TIE1: variants seen among roughly 807,000 people sequenced by gnomAD.
The protein encoded by TIE1 is tyrosine-protein kinase receptor Tie-1.
TIE1 carries 89 observed loss-of-function variants against 130.5 expected under a neutral mutation model. The ratio of observed to expected loss-of-function variants is 0.68; its 90% confidence interval spans 0.57 to 0.81. The LOEUF is 0.81. TIE1 is among the 40% of genes least tolerant of loss of function. The probability of loss-of-function intolerance (pLI) is 0.00; values close to 1 mark genes in which losing one functional copy is unlikely to be tolerated. For synonymous variants in TIE1, 568 were observed against 629.4 expected (o/e 0.90, Z 1.46); for missense variants, 1,392 against 1,559.8 (o/e 0.89, Z 1.81).
chr1:43,313,144 C>A lies in TIE1; in HGVS notation c.1937C>A (p.Ala646Asp). ...HVLLPPSGPP[A>D]PRHLHAQALS... ...CCCACCATCTCCCCAGGGCCTCCAGCCCCCCGACACCTCCACGCCCAGGCC... is the reference window on the plus strand; with the variant it reads ...CCCACCATCTCCCCAGGGCCTCCAGACCCCCGACACCTCCACGCCCAGGCC... Residue 646 changes from alanine (A) to aspartate (D), a missense_variant, in exon 13 of 23, where the codon GCC becomes GAC. This residue lies in a region of TIE1 where 551 missense variants were observed against 565.5 expected (regional missense o/e 0.97). Transcript: ENST00000372476. The surrounding 1 kb of genome is among the most constrained non-coding windows in gnomAD (Gnocchi z 6.2). 1 of 1,601,568 alleles carries A rather than the reference C, an allele frequency of 6.2e-7. No homozygotes were observed. The highest frequency in any genetic ancestry group is 1.1e-5 in the South Asian group (1 of 88,650).
chr1:43,321,127 A>G, intron 19 of TIE1, 142 bp from the exon 20 acceptor site: 1 of 834,938 alleles, frequency 1.2e-6, no homozygotes, highest in South Asian at 1.4e-5. Flanking sequence ...TGGCGCAGAG[A>G]CAACAGCTGG....
chr1:43,309,021 C>A lies in TIE1; in HGVS notation c.1078C>A (p.Leu360Met), dbSNP rs765638721. Residue 360 changes from leucine (L) to methionine (M), a missense_variant, in exon 8 of 23, where the codon CTG becomes ATG. Coordinates refer to ENST00000372476, the MANE Select transcript of TIE1 (RefSeq NM_005424.5). This position sits in a 1 kb window ranked among gnomAD's most constrained non-coding sequence, Gnocchi z 6.3. ...CCAGATCCTCAACATGGCCTCAGAACTGGAGTTCAACTTAGAGACGATGCC... is the reference window on the plus strand; with the variant it reads ...CCAGATCCTCAACATGGCCTCAGAAATGGAGTTCAACTTAGAGACGATGCC... ...IPQILNMASE[L>M]EFNLETMPRI... is the part of the protein sequence containing the mutation. 1 of 1,613,940 alleles carries A rather than the reference C, an allele frequency of 6.2e-7. No homozygotes were observed. The highest frequency in any genetic ancestry group is 1.7e-5 in the Admixed American group (1 of 59,990).
chr1:43,313,811 G>C lies in TIE1; in HGVS notation c.2252G>C (p.Arg751Pro). ...LQAEGPVQES[R>P]AAEEGLDQQL... ...GCTGAGGGCCCAGTCCAAGAGAGCC[G>C]GGCAGCTGAAGAGGGCCTGGATCAG... The change falls in exon 14 of 23, where the codon CGG (arginine) becomes CCG (proline). Residue 751 changes from arginine (R) to proline (P), a missense_variant. Physicochemically the swap from Arg to Pro is moderately radical, Grantham distance 103. This residue lies in a region of TIE1 where 551 missense variants were observed against 565.5 expected (regional missense o/e 0.97). Coordinates refer to ENST00000372476, the MANE Select transcript of TIE1 (RefSeq NM_005424.5). This position sits in a 1 kb window ranked among gnomAD's most constrained non-coding sequence, Gnocchi z 6.2. 1 of 1,613,690 alleles carries C rather than the reference G, an allele frequency of 6.2e-7. No homozygotes were observed. The highest frequency in any genetic ancestry group is 8.5e-7 in the Non-Finnish European group (1 of 1,179,886).
chr1:43,301,698 A>G (rs1403722571), intron 1 of TIE1, among the ~76,000 whole-genome samples: 3 of 152,002 alleles, frequency 2.0e-5, no homozygotes, highest in African/African-American at 7.3e-5. Context: ...GTGAAACCCC[A>G]TCTCTACTAA....
intron 1 of TIE1, among the ~76,000 whole-genome samples, chr1:43,304,111 T>G (rs1646698323): frequency 6.6e-6 from 1 of 152,228 alleles, no homozygotes; most frequent in Admixed American, 6.5e-5. Flanking sequence ...TTGTTTTTCT[T>G]TTTCTGGAGA....
At chr1:43,314,099 C>T (rs1646835619) in intron 14 of TIE1, 131 bp downstream of exon 14, 1 of 1,029,666 alleles carries the variant, frequency 9.7e-7, no homozygotes, top group Non-Finnish European at 1.5e-6. Flanking sequence ...TATAAGATTA[C>T]ACTCAACAAT....
rs866439137 is a variant in TIE1 at position 43,301,194 on chromosome 1, A to C, written c.58+65A>C. The C allele has an allele frequency of 1.9e-4, 302 of 1,556,450 alleles. 3 individuals are homozygous for C. In the Middle Eastern group the frequency reaches 6.3e-3, roughly 32 times the overall value. ...CGAGGCCCTGATTTCTACCCAAGAA[A>C]CCCTATTTTATCATAGAGACAGAAA... On this transcript the variant is annotated intron_variant, in intron 1 of 22. Transcript: ENST00000372476.
At position 43,309,084 on chromosome 1, in the gene TIE1, G is replaced by C. The variant is rs781657148; in HGVS notation, c.1141G>C (p.Val381Leu). 1.9e-6 allele frequency: 3 copies of C among 1,613,588 alleles called. No individual in the cohort carries two copies. In the South Asian group the frequency reaches 3.3e-5, roughly 18 times the overall value. Reference protein sequence around the residue: ...NCAAAGNPFPVRGSIELRKPD... With the variant: ...NCAAAGNPFPLRGSIELRKPD... ...TGCAGCTGCAGGGAACCCCTTCCCC[G>C]TGCGGGGCAGCATAGAGCTACGCAA... Residue 381 changes from valine to leucine, a missense_variant, in exon 8 of 23, where the codon GTG becomes CTG. Val to Leu is a conservative substitution (Grantham distance 32). This residue lies in a region of TIE1 where 551 missense variants were observed against 565.5 expected (regional missense o/e 0.97). Coordinates refer to ENST00000372476, the MANE Select transcript of TIE1 (RefSeq NM_005424.5). The surrounding 1 kb of genome is among the most constrained non-coding windows in gnomAD (Gnocchi z 6.3).
Position 43,301,026 on chromosome 1 carries a change from C to T in TIE1, c.-46C>T, listed in dbSNP as rs750779662. Reference sequence around the variant, plus strand: ...GAGCAGTCAGGCCCACAGCATCTGACCCCAGGCCCAGCTCGTCCTGGCTGG... The same window carrying T: ...GAGCAGTCAGGCCCACAGCATCTGATCCCAGGCCCAGCTCGTCCTGGCTGG... On this transcript the variant is annotated 5_prime_UTR_variant, in exon 1 of 23. Coordinates refer to ENST00000372476, the MANE Select transcript of TIE1 (RefSeq NM_005424.5). 6.3e-7 allele frequency: 1 copy of T among 1,598,438 alleles called. No homozygotes were observed. The highest frequency in any genetic ancestry group is 1.1e-5 in the South Asian group (1 of 90,404).
chr1:43,317,889 G>GCA lies in TIE1; in HGVS notation c.2739_2740insCA (p.Tyr914HisfsTer14). On this transcript the variant is annotated frameshift_variant, in exon 17 of 23. Transcript: ENST00000372476. LOFTEE classifies it high-confidence loss of function. This position sits in a 1 kb window ranked among gnomAD's most constrained non-coding sequence, Gnocchi z 5.1. ...TGTCTCTTTGCCTCTCAGGTTACTT[G>GCA]TATATCGCTATTGAATATGCCCCCT... 6.2e-7 allele frequency: 1 copy of GCA among 1,614,060 alleles called. No individual in the cohort carries two copies. Among genetic ancestry groups the GCA allele is most frequent in the Non-Finnish European group, 8.5e-7 (1 of 1,179,958 alleles).
At position 43,319,607 on chromosome 1, in the gene TIE1, A is replaced by G; in HGVS notation, c.3107+78A>G. On this transcript the variant is annotated intron_variant, in intron 19 of 22. Transcript: ENST00000372476. This position sits in a 1 kb window ranked among gnomAD's most constrained non-coding sequence, Gnocchi z 4.7. Reference sequence around the variant, plus strand: ...GGCCTGACCTAGACATATCTCAGAAATGTCATAGGTGGTCTAAGGCATGAC... The same window carrying G: ...GGCCTGACCTAGACATATCTCAGAAGTGTCATAGGTGGTCTAAGGCATGAC... 6.9e-7 allele frequency: 1 copy of G among 1,445,908 alleles called. No homozygotes were observed. Among genetic ancestry groups the G allele is most frequent in the Admixed American group, 1.7e-5 (1 of 59,374 alleles). 89.6% of individuals were successfully genotyped at this position (1,445,908 alleles called of 1,614,324 possible).
chr1:43,313,223 G>C lies in TIE1; in HGVS notation c.2016G>C (p.Gly672=), dbSNP rs140697464. ...LTWKHPEALP[G]PISKYVVEVQ... The stretch of plus-strand genomic sequence containing the variant: ...GGAAGCACCCGGAGGCTCTGCCTGG[G>C]CCAATATCCAAGTACGTTGTGGAGG... Residue 672 remains glycine, a synonymous_variant, in exon 13 of 23, where the codon GGG becomes GGC. Coordinates refer to ENST00000372476, the MANE Select transcript of TIE1 (RefSeq NM_005424.5). The surrounding 1 kb of genome is among the most constrained non-coding windows in gnomAD (Gnocchi z 6.2). 877 of 1,613,858 alleles carry C rather than the reference G, an allele frequency of 5.4e-4. 1 individual carries two copies. Among genetic ancestry groups the C allele is most frequent in the Non-Finnish European group, 6.7e-4 (795 of 1,179,920 alleles).
At position 43,306,886 on chromosome 1, in the gene TIE1, G is replaced by T. The variant is rs1570432411; in HGVS notation, c.531G>T (p.Arg177=). ...TLDWHEAQDG[R]FLLQLPNVQP... The stretch of plus-strand genomic sequence containing the variant: ...ACTGGCATGAAGCCCAGGATGGGCG[G>T]TTCCTGCTGCAGCTCCCAAATGTGC... Residue 177 remains arginine, a synonymous_variant, in exon 4 of 23, where the codon CGG becomes CGT. Transcript: ENST00000372476. The surrounding 1 kb of genome is among the most constrained non-coding windows in gnomAD (Gnocchi z 4.9). 6.2e-7 allele frequency: 1 copy of T among 1,613,986 alleles called. No individual in the cohort carries two copies. Among genetic ancestry groups the T allele is most frequent in the Non-Finnish European group, 8.5e-7 (1 of 1,180,002 alleles).
At position 43,307,466 on chromosome 1, in the gene TIE1, G is replaced by C; in HGVS notation, c.807G>C (p.Gln269His). 1.2e-6 allele frequency: 2 copies of C among 1,614,188 alleles called. No individual in the cohort carries two copies. The highest frequency in any genetic ancestry group is 1.7e-6 in the Non-Finnish European group (2 of 1,180,024). ...AGGGCCGTTTTGGGCAGAGCTGCCA[G>C]GAGCAGTGCCCAGGCATATCAGGCT... ...CREGRFGQSC[Q>H]EQCPGISGCR... The change falls in exon 6 of 23, where the codon CAG (glutamine) becomes CAC (histidine). Residue 269 changes from glutamine to histidine, a missense_variant. This residue lies in a region of TIE1 where 415 missense variants were observed against 424.8 expected (regional missense o/e 0.98). Transcript: ENST00000372476. The surrounding 1 kb of genome is among the most constrained non-coding windows in gnomAD (Gnocchi z 5.4).
intron 14 of TIE1, among the ~76,000 whole-genome samples, chr1:43,314,775 C>A (rs1646843586): frequency 6.6e-6 from 1 of 152,096 alleles, no homozygotes; most frequent in Non-Finnish European, 1.5e-5. Context: ...TTGCAGTGAG[C>A]CGAGATGTTG....
Position 43,307,983 on chromosome 1 carries a change from T to A in TIE1, c.1042+59T>A. 3 of 1,599,238 alleles carry A rather than the reference T, an allele frequency of 1.9e-6. No individual in the cohort carries two copies. The highest frequency in any genetic ancestry group is 1.7e-4 in the Middle Eastern group (1 of 6,024). ...GATAAGTCGGCCTTTACCAAACACA[T>A]CTCCCCGGTGGAAGAGAGTAGTCCC... On this transcript the variant is annotated intron_variant, in intron 7 of 22. Transcript: ENST00000372476. The surrounding 1 kb of genome is among the most constrained non-coding windows in gnomAD (Gnocchi z 5.4).
Position 43,319,325 on chromosome 1 carries a change from G to A in TIE1, c.3013G>A (p.Glu1005Lys). 6.2e-7 allele frequency: 1 copy of A among 1,614,042 alleles called. No individual in the cohort carries two copies. Reference protein sequence around the residue: ...IADFGLSRGEEVYVKKTMGRL... With the variant: ...IADFGLSRGEKVYVKKTMGRL... ...AGACTTCGGCCTTTCTCGGGGAGAGGAGGTTTATGTGAAGAAGACGATGGT... is the reference window on the plus strand; with the variant it reads ...AGACTTCGGCCTTTCTCGGGGAGAGAAGGTTTATGTGAAGAAGACGATGGT... Residue 1005 changes from glutamate to lysine, a missense_variant, in exon 18 of 23, where the codon GAG becomes AAG. By Grantham distance (56) the Glu-to-Lys change is moderately conservative (BLOSUM62 1). Coordinates refer to ENST00000372476, the MANE Select transcript of TIE1 (RefSeq NM_005424.5). The surrounding 1 kb of genome is among the most constrained non-coding windows in gnomAD (Gnocchi z 4.7).
intron 9 of TIE1, 102 bp from the exon 10 acceptor site, chr1:43,311,569 C>G: frequency 6.8e-7 from 1 of 1,462,622 alleles, no homozygotes; most frequent in Non-Finnish European, 9.2e-7. Flanking sequence ...ATCTGTTGAA[C>G]TTGGTGTCCC....
intron 1 of TIE1, chr1:43,302,377 C>T (rs894766585): frequency 6.6e-6 from 1 of 152,112 alleles, no homozygotes; most frequent in Non-Finnish European, 1.5e-5. Flanking sequence ...GCTGGTCAGC[C>T]GATTAGAACA....
Sources: gnomAD v4.1 joint callset for allele counts (sites outside exome capture counted in the v4.1 genomes callset) on GRCh38, gnomAD v4.1.1 for gene constraint, gnomAD v4.1.1 regional missense constraint, Gnocchi (gnomAD v3.1) non-coding constraint, MANE v1.5 for transcripts, NCBI Gene and HGNC (gene_info 2026-07-23, HGNC 2026-07-21) for gene names.